Variants in C5 observed in about 807,000 individuals in gnomAD.
C5 encodes the protein C3 and PZP-like alpha-2-macroglobulin domain-containing protein 4.
C5 carries 140 observed loss-of-function variants against 218.8 expected under a neutral mutation model. That is an observed-to-expected ratio of 0.64 (90% CI 0.56 to 0.74). The LOEUF is 0.74. C5 is among the 30% of genes least tolerant of loss of function. The probability of loss-of-function intolerance (pLI) is 0.00; values close to 1 mark genes in which losing one functional copy is unlikely to be tolerated. For synonymous variants in C5, 614 were observed against 682.3 expected, an observed-to-expected ratio of 0.90 and a Z score of 1.56; for missense variants, 1,700 against 1,969.6, an observed-to-expected ratio of 0.86 and a Z score of 2.59.
At chr9:121,005,832 T>A in intron 20 of C5, 87 bp downstream of exon 20, 1 of 1,384,860 alleles carries the variant, frequency 7.2e-7, no homozygotes, top group Middle Eastern at 1.8e-4. Flanking sequence ...GAACTTCTAC[T>A]TTTTTGTGTA....
At chr9:121,019,142 A>C (rs2047341928) in intron 12 of C5, among the ~76,000 whole-genome samples, 1 of 148,888 alleles carries the variant, frequency 6.7e-6, no homozygotes, top group Non-Finnish European at 1.5e-5. Flanking sequence ...TTTAAGATTA[A>C]AAAAAAAAAA....
At chr9:121,047,703 G>C (rs1463388195) in intron 1 of C5, among the ~76,000 whole-genome samples, 1 of 152,112 alleles carries the variant, frequency 6.6e-6, no homozygotes, top group African/African-American at 2.4e-5. Context: ...ATCCTTTAAA[G>C]CATCTGACAG....
intron 26 of C5, 99 bp from the exon 27 acceptor site, chr9:120,982,038 G>T: frequency 1.3e-6 from 1 of 796,538 alleles, no homozygotes; most frequent in Non-Finnish European, 2.2e-6. Context: ...TTGAGATGGA[G>T]TCTCACTCTG....
At position 121,046,202 on chromosome 9, in the gene C5, CAG is replaced by C; in HGVS notation, c.245_246del (p.Ser82CysfsTer40). The C allele has an allele frequency of 6.4e-7, 1 of 1,573,070 alleles. No individual in the cohort carries two copies. Among genetic ancestry groups the C allele is most frequent in the Non-Finnish European group, 8.7e-7 (1 of 1,146,106 alleles). On this transcript the variant is annotated frameshift_variant, in exon 2 of 41. Coordinates refer to ENST00000223642, the MANE Select transcript of C5 (RefSeq NM_001735.3). LOFTEE classifies it high-confidence loss of function. ...GGATAAATACATACTGTTAAGATTGCAGAGTTTTGGAATTTATTCTCTGAGGA... is the reference window on the plus strand; with the variant it reads ...GGATAAATACATACTGTTAAGATTGCAGTTTTGGAATTTATTCTCTGAGGA... ...HLSSENKFQN[S>X]AILTIQPKQL...
At chr9:121,021,947 AG>A (rs1332666352) in intron 10 of C5, among the ~76,000 whole-genome samples, 1 of 151,756 alleles carries the variant, frequency 6.6e-6, no homozygotes, top group African/African-American at 2.4e-5. Context: ...CAGCCTCCCA[AG>A]TAGCTGGAAC....
chr9:121,031,094 G>C (rs939906447), intron 6 of C5, among the ~76,000 whole-genome samples: 3 of 151,968 alleles, frequency 2.0e-5, no homozygotes, highest in African/African-American at 7.3e-5. Flanking sequence ...TGTTTTTCTT[G>C]TTAATTGTTA....
At chr9:120,997,993 C>T (rs2047131785) in intron 20 of C5, among the ~76,000 whole-genome samples, 1 of 151,900 alleles carries the variant, frequency 6.6e-6, no homozygotes. Context: ...AGTAGAGGCA[C>T]GGTTTCTCCA....
chr9:121,018,726 AAGG>A (rs1248156960), intron 12 of C5, among the ~76,000 whole-genome samples: 9 of 69,078 alleles, frequency 1.3e-4, no homozygotes, highest in African/African-American at 2.5e-4. Context: ...AGAAAGAAAG[AAGG>A]AAGGAAGGAA....
Position 120,996,248 on chromosome 9 carries a change from C to A in C5, c.2843G>T (p.Gly948Val). The change falls in exon 22 of 41, where the codon GGT becomes GTT. Residue 948 changes from glycine to valine, a missense_variant. By Grantham distance (109) the Gly-to-Val change is moderately radical. Transcript: ENST00000223642. Reference sequence around the variant, plus strand: ...AAAATCATTTTGCCTACCATAAATACCCCTAGGATCCAAAGTAACACCAGA... The same window carrying A: ...AAAATCATTTTGCCTACCATAAATAACCCTAGGATCCAAAGTAACACCAGA... ...SYSGVTLDPR[G>V]IYGTISRRKE... 5 of 1,608,076 alleles carry A rather than the reference C, an allele frequency of 3.1e-6. No homozygotes were observed. Among genetic ancestry groups the A allele is most frequent in the Non-Finnish European group, 4.3e-6 (5 of 1,174,604 alleles).
At chr9:120,997,263 T>C (rs565942613) in intron 21 of C5, among the ~76,000 whole-genome samples, 2 of 152,202 alleles carry the variant, frequency 1.3e-5, no homozygotes, top group Non-Finnish European at 2.9e-5. Flanking sequence ...AAATTAGATA[T>C]CTCTGGGTAT....
rs1314335071 is a variant in C5 at position 121,014,058 on chromosome 9, T to A, written c.2072A>T (p.Lys691Ile). The change falls in exon 17 of 41, where the codon AAA becomes ATA. Residue 691 changes from lysine to isoleucine, a missense_variant. Physicochemically the swap from Lys to Ile is moderately radical, Grantham distance 102. Coordinates refer to ENST00000223642, the MANE Select transcript of C5 (RefSeq NM_001735.3). ...ACAACATTTCTTCACTACTGAATGTTTATATTTAGCAGCTGAAATGGTAAT... is the reference window on the plus strand; with the variant it reads ...ACAACATTTCTTCACTACTGAATGTATATATTTAGCAGCTGAAATGGTAAT... ...KKIEEIAAKY[K>I]HSVVKKCCYD... 7 of 1,613,932 alleles carry A rather than the reference T, an allele frequency of 4.3e-6. No individual in the cohort carries two copies. Among genetic ancestry groups the A allele is most frequent in the Non-Finnish European group, 5.1e-6 (6 of 1,179,956 alleles).
chr9:120,972,468 C>T (rs1489503175), intron 30 of C5, among the ~76,000 whole-genome samples: 4 of 152,128 alleles, frequency 2.6e-5, no homozygotes, highest in African/African-American at 9.7e-5. Context: ...CCTTTGCACC[C>T]CTTTTCCATC....
At chr9:120,987,364 G>A (rs1012216820) in intron 25 of C5, among the ~76,000 whole-genome samples, 5 of 152,086 alleles carry the variant, frequency 3.3e-5, no homozygotes, top group African/African-American at 7.2e-5. Context: ...AAAAAAACTG[G>A]CCAGGCGCAG....
intron 39 of C5, among the ~76,000 whole-genome samples, chr9:120,955,178 G>C (rs545761129): frequency 6.6e-6 from 1 of 152,208 alleles, no homozygotes; most frequent in South Asian, 2.1e-4. Context: ...CAATTCTTCT[G>C]TAAGTAGTGT....
the C5 span, among the ~76,000 whole-genome samples, chr9:121,056,270 T>C: frequency 1.3e-4 from 20 of 152,196 alleles, no homozygotes; most frequent in African/African-American, 3.6e-4. Flanking sequence ...TAAGGCACCA[T>C]TGACCGATCC....
chr9:121,039,234 C>G (rs1156831977), intron 3 of C5, among the ~76,000 whole-genome samples: 1 of 152,138 alleles, frequency 6.6e-6, no homozygotes, highest in African/African-American at 2.4e-5. Context: ...ATTTCTGTTA[C>G]TACTATTTGG....
chr9:121,054,190 G>A (rs531545551), upstream of C5, among the ~76,000 whole-genome samples: 30 of 152,080 alleles, frequency 2.0e-4, no homozygotes, highest in Admixed American at 1.6e-3. Context: ...ATCATAAGAC[G>A]GACAAAACAG....
At chr9:121,063,907 T>C in the C5 span, among the ~76,000 whole-genome samples, 1 of 152,092 alleles carries the variant, frequency 6.6e-6, no homozygotes, top group Non-Finnish European at 1.5e-5. Flanking sequence ...AAAAATGCCT[T>C]CCAAAATCTA....
chr9:121,023,543 T>A, intron 9 of C5, 24 bp from the exon 10 acceptor site: 1 of 1,357,396 alleles, frequency 7.4e-7, no homozygotes. Context: ...AAGCATCATG[T>A]TGACAGTTTT....
Sources: allele counts gnomAD v4.1 joint callset (sites outside exome capture counted in the v4.1 genomes callset), GRCh38; gene constraint gnomAD v4.1.1; transcripts MANE v1.5; gene names NCBI Gene and HGNC (gene_info 2026-07-23, HGNC 2026-07-21).